Variants in RGS20 observed in about 807,000 individuals in gnomAD.
RGS20 encodes regulator of G protein signaling 20.
RGS20 carries 30 observed loss-of-function variants against 33.6 expected under a neutral mutation model. The ratio of observed to expected loss-of-function variants is 0.89; its 90% confidence interval spans 0.67 to 1.21. RGS20 has a LOEUF of 1.21. RGS20 is among the 50% of genes most tolerant of loss of function. The pLI, the probability that RGS20 is intolerant of heterozygous loss-of-function variation, is 0.00. For synonymous variants in RGS20, 208 were observed against 197.9 expected, an observed-to-expected ratio of 1.05 and a Z score of -0.43; for missense variants, 472 against 502.4, an observed-to-expected ratio of 0.94 and a Z score of 0.58.
intron 2 of RGS20, among the ~76,000 whole-genome samples, chr8:53,887,432 C>T (rs548937516): frequency 6.6e-6 from 1 of 152,240 alleles, no homozygotes; most frequent in African/African-American, 2.4e-5. Context: ...AGGGTTCAAC[C>T]TCTAGGGTGA....
chr8:53,920,947 A>G (rs1320525366), intron 2 of RGS20, among the ~76,000 whole-genome samples: 1 of 152,072 alleles, frequency 6.6e-6, no homozygotes, highest in Non-Finnish European at 1.5e-5. Flanking sequence ...TTTAGTAGAG[A>G]TAGGGTTTCA....
intron 2 of RGS20, among the ~76,000 whole-genome samples, chr8:53,915,628 C>T (rs1813462168): frequency 6.6e-6 from 1 of 152,180 alleles, no homozygotes; most frequent in Non-Finnish European, 1.5e-5. Context: ...CTGTTCCAAC[C>T]AGGCCCTCCC....
intron 2 of RGS20, among the ~76,000 whole-genome samples, chr8:53,884,191 CTTTTTTTTT>C (rs4014055): frequency 9.7e-6 from 1 of 103,478 alleles, no homozygotes; most frequent in Non-Finnish European, 1.8e-5. Context: ...GAAAAACAGT[CTTTTTTTTT>C]TTTTTTTTTT....
At chr8:53,856,727 G>A (rs1319982263) in intron 1 of RGS20, among the ~76,000 whole-genome samples, 3 of 152,096 alleles carry the variant, frequency 2.0e-5, no homozygotes, top group Admixed American at 2.0e-4. Context: ...TTATAAACAT[G>A]GTCAGAGCTT....
Position 53,949,845 on chromosome 8 carries a change from C to CTT in RGS20, c.743+3108_743+3109dup, listed in dbSNP as rs146812689. On this transcript the variant is annotated intron_variant, in intron 4 of 5. Coordinates refer to ENST00000297313, the MANE Select transcript of RGS20 (RefSeq NM_170587.4). ...GAGAGTAAACACTGTTAACACATTTCTTTTTTTTTTTTGAGATGGAGTCTA... is the reference window on the plus strand; with the variant it reads ...GAGAGTAAACACTGTTAACACATTTCTTTTTTTTTTTTTTGAGATGGAGTCTA... Among the ~76,000 whole-genome samples, 85 of 145,680 alleles carry CTT rather than the reference C, an allele frequency of 5.8e-4. 1 individual carries two copies. The highest frequency in any genetic ancestry group is 3.8e-3 in the East Asian group (19 of 4,976).
intron 1 of RGS20, chr8:53,852,119 C>G (rs1277184869): frequency 6.7e-7 from 1 of 1,484,216 alleles, no homozygotes; most frequent in Non-Finnish European, 9.1e-7. Context: ...AGTGTTTACC[C>G]AGAAAGAATA....
chr8:53,910,517 C>G (rs1355045651), intron 2 of RGS20, among the ~76,000 whole-genome samples: 1 of 152,164 alleles, frequency 6.6e-6, no homozygotes, highest in Non-Finnish European at 1.5e-5. Flanking sequence ...GATACAGCTC[C>G]TTTGAAAGAC....
At chr8:53,910,806 A>T (rs1813328886) in intron 2 of RGS20, among the ~76,000 whole-genome samples, 1 of 152,218 alleles carries the variant, frequency 6.6e-6, no homozygotes, top group Non-Finnish European at 1.5e-5. Flanking sequence ...GCATTACGCT[A>T]AGTGAAAGAA....
At chr8:53,944,807 C>G (rs188963471) in intron 3 of RGS20, among the ~76,000 whole-genome samples, 134 of 152,222 alleles carry the variant, frequency 8.8e-4, no homozygotes, top group African/African-American at 3.0e-3. Flanking sequence ...ATGGTCAAAA[C>G]ATCTGAACAC....
intron 2 of RGS20, among the ~76,000 whole-genome samples, chr8:53,936,732 A>AGAATT (rs1471317991): frequency 3.3e-5 from 5 of 151,132 alleles, no homozygotes; most frequent in Admixed American, 6.6e-5. Flanking sequence ...CTTTCTTCAC[A>AGAATT]GGAAAAAACT....
chr8:53,950,344 C>T (rs1350233575), intron 4 of RGS20, among the ~76,000 whole-genome samples: 1 of 152,090 alleles, frequency 6.6e-6, no homozygotes, highest in Non-Finnish European at 1.5e-5. Flanking sequence ...GTTTGAGTTT[C>T]CCTTATCCAA....
At chr8:53,916,409 T>C (rs1284457537) in intron 2 of RGS20, among the ~76,000 whole-genome samples, 1 of 152,088 alleles carries the variant, frequency 6.6e-6, no homozygotes, top group Non-Finnish European at 1.5e-5. Flanking sequence ...TTGAATTCCA[T>C]ACTTCCCCTT....
At position 53,879,718 on chromosome 8, in the gene RGS20, G is replaced by A. The variant is rs1431065429; in HGVS notation, c.510+116G>A. 5 of 928,426 alleles carry A rather than the reference G, an allele frequency of 5.4e-6. No homozygotes were observed. In the Admixed American group the frequency reaches 1.5e-4, roughly 28 times the overall value. 57.5% of individuals were successfully genotyped at this position (928,426 alleles called of 1,614,324 possible). A position where few individuals can be genotyped will look rare whatever the true frequency, so the allele number is the denominator to read the frequency against. On this transcript the variant is annotated intron_variant, in intron 2 of 5. Transcript: ENST00000297313. Reference sequence around the variant, plus strand: ...CGCTGGGGCTAGCAGTAGGGAGGGTGGCAAGGTCGGGAAGGCCGGGACGTG... The same window carrying A: ...CGCTGGGGCTAGCAGTAGGGAGGGTAGCAAGGTCGGGAAGGCCGGGACGTG...
intron 2 of RGS20, among the ~76,000 whole-genome samples, chr8:53,916,203 G>C (rs534545968): frequency 6.6e-6 from 1 of 151,946 alleles, no homozygotes; most frequent in Admixed American, 6.6e-5. Context: ...TTTATTTTTC[G>C]TAGAGACAAG....
At chr8:53,900,147 G>A (rs956460907) in intron 2 of RGS20, among the ~76,000 whole-genome samples, 5 of 152,062 alleles carry the variant, frequency 3.3e-5, no homozygotes, top group African/African-American at 1.2e-4. Flanking sequence ...TAGACACAAA[G>A]GTACAGGACC....
chr8:53,876,503 C>A (rs1301304117), intron 1 of RGS20: 1 of 152,236 alleles, frequency 6.6e-6, no homozygotes, highest in East Asian at 1.9e-4. Context: ...CTCAGACTGT[C>A]AAATAGAATC....
chr8:53,942,652 T>C (rs1398005354), intron 3 of RGS20, among the ~76,000 whole-genome samples: 1 of 152,030 alleles, frequency 6.6e-6, no homozygotes, highest in Non-Finnish European at 1.5e-5. Flanking sequence ...TACAATCCAC[T>C]ACCATACAGC....
chr8:53,889,760 C>T (rs1253648393), intron 2 of RGS20, among the ~76,000 whole-genome samples: 4 of 144,432 alleles, frequency 2.8e-5, no homozygotes, highest in Non-Finnish European at 4.5e-5. Context: ...TGTGTGTGCA[C>T]GTGCTGCAAA....
At chr8:53,920,796 T>C (rs1813620807) in intron 2 of RGS20, among the ~76,000 whole-genome samples, 1 of 152,220 alleles carries the variant, frequency 6.6e-6, no homozygotes, top group African/African-American at 2.4e-5. Flanking sequence ...TCTCACTCTG[T>C]TGCCCGGGCT....
Sources: allele counts gnomAD v4.1 joint callset (sites outside exome capture counted in the v4.1 genomes callset), GRCh38; gene constraint gnomAD v4.1.1; transcripts MANE v1.5; gene names NCBI Gene and HGNC (gene_info 2026-07-23, HGNC 2026-07-21).